The following KYNU variants were observed in gnomAD, a reference collection of about 807,000 sequenced individuals.
KYNU encodes kynureninase, also known as L-kynurenine hydrolase.
KYNU carries 54 observed loss-of-function variants against 59.2 expected under a neutral mutation model. That is an observed-to-expected ratio of 0.91 (90% CI 0.73 to 1.14). KYNU has a LOEUF of 1.14. Ranked by LOEUF, KYNU falls within the 50% of genes most tolerant of loss-of-function variation. The probability of loss-of-function intolerance (pLI) is 0.00; values close to 1 mark genes in which losing one functional copy is unlikely to be tolerated. For synonymous variants in KYNU, 177 were observed against 192.0 expected (o/e 0.92, Z 0.65); for missense variants, 567 against 554.4 (o/e 1.02, Z -0.23).
intron 2 of KYNU, among the ~76,000 whole-genome samples, chr2:142,903,383 A>G (rs1682175781): frequency 6.6e-6 from 1 of 152,078 alleles, no homozygotes; most frequent in Non-Finnish European, 1.5e-5. Context: ...GTTCAGGTGT[A>G]TAATGGTCCC....
chr2:142,932,153 G>A (rs207462497), intron 4 of KYNU, among the ~76,000 whole-genome samples: 3 of 152,318 alleles, frequency 2.0e-5, no homozygotes, highest in African/African-American at 7.2e-5. Context: ...CTCAGACATG[G>A]CTGGAAAGGT....
chr2:143,042,236 T>C lies in KYNU; in HGVS notation c.*64T>C. ...AGCTGCTGTGGTTATTTCAGTATTA[T>C]TCGATTTTTAATTATTGAAAGTATG... is the stretch of plus-strand genomic sequence containing the variant. On this transcript the variant is annotated 3_prime_UTR_variant, in exon 14 of 14. Coordinates refer to ENST00000264170, the MANE Select transcript of KYNU (RefSeq NM_003937.3). 6.7e-7 allele frequency: 1 copy of C among 1,498,034 alleles called. No homozygotes were observed. Among genetic ancestry groups the C allele is most frequent in the Non-Finnish European group, 9.2e-7 (1 of 1,087,222 alleles). The allele number at this position is 1,498,034 out of a possible 1,614,324, so 92.8% of individuals were successfully genotyped here. A position where few individuals can be genotyped will look rare whatever the true frequency, so the allele number is the denominator to read the frequency against.
intron 12 of KYNU, among the ~76,000 whole-genome samples, chr2:143,038,118 T>C (rs1443727560): frequency 2.0e-5 from 3 of 152,122 alleles, no homozygotes; most frequent in Non-Finnish European, 2.9e-5. Flanking sequence ...CCTCCAAGTT[T>C]TACTAACCTA....
At chr2:143,031,998 C>T (rs994854698) in intron 11 of KYNU, among the ~76,000 whole-genome samples, 2 of 152,024 alleles carry the variant, frequency 1.3e-5, no homozygotes, top group Non-Finnish European at 2.9e-5. Context: ...CTGTTTTTGG[C>T]CGGGCGTGGT....
intron 4 of KYNU, among the ~76,000 whole-genome samples, chr2:142,953,217 T>TC (rs1002711231): frequency 3.9e-5 from 6 of 152,060 alleles, no homozygotes; most frequent in African/African-American, 4.8e-5. Flanking sequence ...AGATAGTGAA[T>TC]CCCCCCGTAC....
chr2:142,912,207 T>C (rs1193887409), intron 2 of KYNU, among the ~76,000 whole-genome samples: 11 of 152,110 alleles, frequency 7.2e-5, no homozygotes, highest in Admixed American at 7.2e-4. Flanking sequence ...TAAGATTTTA[T>C]GACTGATTCA....
intron 10 of KYNU, among the ~76,000 whole-genome samples, chr2:143,014,548 C>T (rs1306632914): frequency 6.6e-6 from 1 of 152,176 alleles, no homozygotes; most frequent in Admixed American, 6.5e-5. Context: ...AGAATTGTCT[C>T]TGCTATAAGT....
intron 12 of KYNU, among the ~76,000 whole-genome samples, chr2:143,039,799 C>G (rs1686983204): frequency 6.6e-6 from 1 of 152,108 alleles, no homozygotes; most frequent in Admixed American, 6.6e-5. Context: ...TTTACTTAAT[C>G]TAAATGGGTC....
In KYNU at chr2:143,049,231, T is replaced by G. The variant is rs1687222260; in HGVS notation, c.*7059T>G. ...CTTAAGAATTCTAAAACATATATTT[T>G]AGTTTCTAAAAGTTTCATTAGATTT... is the stretch of plus-strand genomic sequence containing the variant. On this transcript the variant is annotated 3_prime_UTR_variant, in exon 14 of 14. Transcript: ENST00000264170. 1 of 152,204 alleles carries G rather than the reference T, an allele frequency of 6.6e-6. No homozygotes were observed. Among genetic ancestry groups the G allele is most frequent in the Non-Finnish European group, 1.5e-5 (1 of 68,034 alleles). 9.4% of individuals were successfully genotyped at this position (152,204 alleles called of 1,614,324 possible). A position where few individuals can be genotyped will look rare whatever the true frequency, so the allele number is the denominator to read the frequency against.
At chr2:142,960,480 A>T in intron 7 of KYNU, 144 bp from the exon 8 acceptor site, 1 of 603,950 alleles carries the variant, frequency 1.7e-6, no homozygotes, top group Non-Finnish European at 2.8e-6. Flanking sequence ...TGCTGCTCTT[A>T]TGCCAGATTT....
chr2:142,900,596 C>T (rs1403564768), intron 2 of KYNU, among the ~76,000 whole-genome samples: 1 of 152,106 alleles, frequency 6.6e-6, no homozygotes, highest in Admixed American at 6.5e-5. Flanking sequence ...AGTTGCAAGC[C>T]CCATGTTTAA....
chr2:142,887,707 T>C (rs971746949), intron 2 of KYNU, among the ~76,000 whole-genome samples: 2 of 152,080 alleles, frequency 1.3e-5, no homozygotes, highest in African/African-American at 2.4e-5. Context: ...AGTATCTAGA[T>C]TGGTCAAATT....
At chr2:142,885,250 A>G in intron 1 of KYNU, 99 bp from the exon 2 acceptor site, 1 of 903,004 alleles carries the variant, frequency 1.1e-6, no homozygotes, top group Non-Finnish European at 1.8e-6. Flanking sequence ...AGGTTGGGAA[A>G]AGGGAGTCTT....
chr2:142,907,109 T>C (rs1682323235), intron 2 of KYNU, among the ~76,000 whole-genome samples: 1 of 152,158 alleles, frequency 6.6e-6, no homozygotes, highest in African/African-American at 2.4e-5. Flanking sequence ...AGAATCCCCA[T>C]ACGAGGCCAC....
chr2:142,971,440 C>A (rs985559910), intron 8 of KYNU: 1 of 152,084 alleles, frequency 6.6e-6, no homozygotes, highest in Non-Finnish European at 1.5e-5. Context: ...CAAATGAAAT[C>A]CTTGACTTTT....
chr2:142,921,424 AGT>A (rs1682878513), intron 3 of KYNU, among the ~76,000 whole-genome samples: 1 of 152,200 alleles, frequency 6.6e-6, no homozygotes, highest in African/African-American at 2.4e-5. Context: ...TGTTCAAAGT[AGT>A]CAGACCAGGC....
chr2:142,946,975 TCAAA>T, intron 4 of KYNU: 2 of 1,432,466 alleles, frequency 1.4e-6, no homozygotes, highest in Admixed American at 2.2e-5. Flanking sequence ...TTTTTGTATT[TCAAA>T]TAGCCAACTT....
At chr2:143,027,014 G>T (rs764108645) in intron 10 of KYNU, among the ~76,000 whole-genome samples, 4 of 152,184 alleles carry the variant, frequency 2.6e-5, no homozygotes, top group Non-Finnish European at 5.9e-5. Flanking sequence ...TTAGGAAAAA[G>T]CAACATTTGA....
chr2:142,942,343 T>G (rs7421765), intron 4 of KYNU, among the ~76,000 whole-genome samples: 28,088 of 152,136 alleles, frequency 0.18, 3,492 homozygotes, highest in African/African-American at 0.34. Context: ...CAAAAATATT[T>G]AATAAATTCT....
Sources: gnomAD v4.1 joint callset for allele counts (sites outside exome capture counted in the v4.1 genomes callset) on GRCh38, gnomAD v4.1.1 for gene constraint, MANE v1.5 for transcripts, NCBI Gene and HGNC (gene_info 2026-07-23, HGNC 2026-07-21) for gene names.